TANK: variants seen among roughly 807,000 people sequenced by gnomAD.
TANK encodes the protein TRAF family member-associated NF-kappa-B activator.
In TANK, 15 loss-of-function variants were observed where a neutral mutation model predicts 43.6. The observed-to-expected ratio is 0.34, with a 90% CI of 0.23 to 0.53. The LOEUF is 0.53. Among genes scored for constraint, TANK ranks in the 20% least tolerant of loss-of-function variants. TANK has a pLI of 0.94. For synonymous variants in TANK, 162 were observed against 178.2 expected (o/e 0.91, Z 0.73); for missense variants, 417 against 498.6 (o/e 0.84, Z 1.56).
At chr2:161,137,769 T>C (rs1341390208) in intron 1 of TANK, 1 of 152,102 alleles carries the variant, frequency 6.6e-6, no homozygotes, top group Non-Finnish European at 1.5e-5. Flanking sequence ...AGATCAGTAG[T>C]TGGAGACCAG....
At chr2:161,198,037 A>G (rs994910523) in intron 2 of TANK, among the ~76,000 whole-genome samples, 2 of 152,216 alleles carry the variant, frequency 1.3e-5, no homozygotes, top group Non-Finnish European at 2.9e-5. Context: ...TCATCTTAAC[A>G]CTATCTAAGT....
intron 4 of TANK, among the ~76,000 whole-genome samples, chr2:161,211,262 T>C (rs534113649): frequency 6.6e-6 from 1 of 152,354 alleles, no homozygotes; most frequent in South Asian, 2.1e-4. Flanking sequence ...GTCTAGGTCT[T>C]AGATGGCATT....
At chr2:161,173,899 G>A (rs1443917764) in intron 1 of TANK, among the ~76,000 whole-genome samples, 2 of 152,104 alleles carry the variant, frequency 1.3e-5, no homozygotes, top group African/African-American at 4.8e-5. Flanking sequence ...CAGTGTTCTA[G>A]GTGGCTTGTC....
intron 1 of TANK, among the ~76,000 whole-genome samples, chr2:161,173,565 T>G (rs1305587548): frequency 6.6e-6 from 1 of 152,148 alleles, no homozygotes; most frequent in Non-Finnish European, 1.5e-5. Context: ...AAATCTCTAG[T>G]GAACCATTGG....
intron 4 of TANK, among the ~76,000 whole-genome samples, chr2:161,205,594 C>T (rs28491278): frequency 0.067 from 10,176 of 151,956 alleles, 1,122 homozygotes; most frequent in African/African-American, 0.23. Flanking sequence ...TATACAAGGA[C>T]GTTCATGCCA....
chr2:161,150,810 C>T (rs1010768537), intron 1 of TANK, among the ~76,000 whole-genome samples: 19 of 152,066 alleles, frequency 1.2e-4, no homozygotes, highest in African/African-American at 4.6e-4. Context: ...AGGCTGGTCT[C>T]AAACTCCTGA....
At chr2:161,184,226 C>T (rs1047830819) in intron 2 of TANK, among the ~76,000 whole-genome samples, 1 of 152,058 alleles carries the variant, frequency 6.6e-6, no homozygotes, top group Non-Finnish European at 1.5e-5. Context: ...CCTTTTCAAT[C>T]AAAAGTTATT....
At chr2:161,197,043 A>T (rs1370456543) in intron 2 of TANK, among the ~76,000 whole-genome samples, 1 of 152,248 alleles carries the variant, frequency 6.6e-6, no homozygotes, top group Admixed American at 6.5e-5. Flanking sequence ...ACATGTATAC[A>T]GGAGTTCTGA....
At chr2:161,227,952 C>T (rs1687715233) in intron 6 of TANK, among the ~76,000 whole-genome samples, 1 of 152,094 alleles carries the variant, frequency 6.6e-6, no homozygotes, top group Admixed American at 6.5e-5. Context: ...CTATAGCACT[C>T]CTAGTCATAG....
At chr2:161,137,030 G>A (rs1683607106) in exon 1 of TANK, 1 of 985,302 alleles carries the variant, frequency 1.0e-6, no homozygotes. Context: ...CAGAGGAATA[G>A]TCTACAAAGG....
At chr2:161,208,307 G>A (rs189829447) in intron 4 of TANK, among the ~76,000 whole-genome samples, 9 of 152,170 alleles carry the variant, frequency 5.9e-5, no homozygotes, top group Middle Eastern at 3.4e-3. Context: ...CTCTATTCAT[G>A]TTATTCCTAC....
Position 161,184,957 on chromosome 2 carries a change from A to G in TANK, c.99+5196A>G, listed in dbSNP as rs1685589638. ...TAAATGTGGATAACATCTCCCAGTT[A>G]AGAGTGTATAGGTTGAAAGAATATT... is the stretch of plus-strand genomic sequence containing the variant. On this transcript the variant is annotated intron_variant, in intron 2 of 7. Coordinates refer to ENST00000392749, the MANE Select transcript of TANK (RefSeq NM_001199135.3). Among the ~76,000 whole-genome samples the G allele has an allele frequency of 2.6e-5, 4 of 152,320 alleles. No homozygotes were observed. In the South Asian group the frequency reaches 8.3e-4, roughly 32 times the overall value.
intron 1 of TANK, among the ~76,000 whole-genome samples, chr2:161,140,735 C>T (rs1163437164): frequency 6.6e-6 from 1 of 151,832 alleles, no homozygotes; most frequent in African/African-American, 2.4e-5. Context: ...TGATACATTG[C>T]TTTCACATTT....
At position 161,220,059 on chromosome 2, in the gene TANK, C is replaced by T. The variant is rs982724579; in HGVS notation, c.328-3856C>T. On this transcript the variant is annotated intron_variant, in intron 4 of 7. Coordinates refer to ENST00000392749, the MANE Select transcript of TANK (RefSeq NM_001199135.3). The stretch of plus-strand genomic sequence containing the variant: ...AGCATATTTCTATTTAGCCTCATCC[C>T]GAAACGAAATAAAACATTGACTACA... 5.3e-5 allele frequency among the ~76,000 whole-genome samples: 8 copies of T among 152,056 alleles called. No homozygotes were observed. The East Asian group carries it at 7.7e-4, about 15-fold the overall frequency.
chr2:161,166,363 T>A (rs967964503), intron 1 of TANK, among the ~76,000 whole-genome samples: 3 of 152,170 alleles, frequency 2.0e-5, no homozygotes, highest in Non-Finnish European at 4.4e-5. Flanking sequence ...AGTTGGGGAA[T>A]TAGCTGCTTG....
At chr2:161,183,759 CATTT>C (rs2105304903) in intron 2 of TANK, among the ~76,000 whole-genome samples, 1 of 151,980 alleles carries the variant, frequency 6.6e-6, no homozygotes, top group African/African-American at 2.4e-5. Flanking sequence ...ATTTAAGAAA[CATTT>C]ATTGAGTACC....
intron 1 of TANK, among the ~76,000 whole-genome samples, chr2:161,145,399 G>T (rs1413927607): frequency 6.6e-6 from 1 of 151,782 alleles, no homozygotes; most frequent in African/African-American, 2.4e-5. Context: ...CACACTAGTT[G>T]ATGCAGTTTT....
rs1236643487 is a variant in TANK, at chr2:161,151,121, C to T, written c.-50+14058C>T. ...CTTGTATTAACTTCTAGTTTCATTC[C>T]ATTTTGGTTGGAGAAGATACTTTGT... On this transcript the variant is annotated intron_variant, in intron 1 of 7. Coordinates refer to the TANK transcript ENST00000259075. 2.6e-5 allele frequency among the ~76,000 whole-genome samples: 4 copies of T among 151,818 alleles called. No individual in the cohort carries two copies. The East Asian group carries it at 7.7e-4, about 29-fold the overall frequency.
intron 4 of TANK, among the ~76,000 whole-genome samples, chr2:161,207,016 T>C (rs1454523896): frequency 6.6e-6 from 1 of 152,046 alleles, no homozygotes; most frequent in Non-Finnish European, 1.5e-5. Context: ...ATAGTAATAG[T>C]TTTGTTTTTT....
Sources: allele counts gnomAD v4.1 joint callset (sites outside exome capture counted in the v4.1 genomes callset), GRCh38; gene constraint gnomAD v4.1.1; transcripts MANE v1.5; gene names NCBI Gene and HGNC (gene_info 2026-07-23, HGNC 2026-07-21).